The following GLS variants were observed in gnomAD, a reference collection of about 807,000 sequenced individuals.
The protein encoded by GLS is glutaminase.
In GLS, 36 loss-of-function variants were observed where a neutral mutation model predicts 86.7. The ratio of observed to expected loss-of-function variants is 0.42; its 90% CI spans 0.32 to 0.55. The LOEUF (loss-of-function observed/expected upper bound fraction) is 0.55. Among genes scored for constraint, GLS ranks in the 20% least tolerant of loss-of-function variants. The pLI, the probability that GLS is intolerant of heterozygous loss-of-function variation, is 0.17. For missense variants in GLS, 528 were observed against 833.4 expected (o/e 0.63, Z 4.51); for synonymous variants, 317 against 305.9 (o/e 1.04, Z -0.38).
chr2:190,885,469 C>T (rs1156847956), intron 1 of GLS, among the ~76,000 whole-genome samples: 3 of 152,134 alleles, frequency 2.0e-5, no homozygotes, highest in Non-Finnish European at 4.4e-5. Flanking sequence ...GGATTACAGG[C>T]GTGAGCCACC....
Position 190,895,287 on chromosome 2 carries a change from C to A in GLS, c.483+39C>A, listed in dbSNP as rs1438257502. ...TTTTTCTATCTTAACTTAAAAAAAT[C>A]AATAATAATAAATATATACAGTATT... On this transcript the variant is annotated intron_variant, in intron 2 of 17. Coordinates refer to ENST00000320717, the MANE Select transcript of GLS (RefSeq NM_014905.5). The surrounding 1 kb of genome is among the most constrained non-coding windows in gnomAD (Gnocchi z 4.2). 14 of 807,738 alleles carry A rather than the reference C, an allele frequency of 1.7e-5. No homozygotes were observed. In the African/African-American group the frequency reaches 1.7e-4, roughly 10 times the overall value. The allele number at this position is 807,738 out of a possible 1,614,324, so 50.0% of individuals were successfully genotyped here.
chr2:190,903,714 A>G (rs1228214503), intron 5 of GLS, among the ~76,000 whole-genome samples: 1 of 152,218 alleles, frequency 6.6e-6, no homozygotes, highest in African/African-American at 2.4e-5. Flanking sequence ...TTAAATCCAA[A>G]GGTAGTAAGA....
rs576629817 is a variant in GLS at position 190,904,983 on chromosome 2, T to G, written c.816-21T>G. 5 of 1,437,942 alleles carry G rather than the reference T, an allele frequency of 3.5e-6. No homozygotes were observed. The South Asian group carries it at 5.9e-5, about 17-fold the overall frequency. 89.1% of individuals were successfully genotyped at this position (1,437,942 alleles called of 1,614,324 possible). A position where few individuals can be genotyped will look rare whatever the true frequency, so the allele number is the denominator to read the frequency against. On this transcript the variant is annotated intron_variant, in intron 5 of 17. Transcript: ENST00000320717. ...TTTTTTCCCAGTTGATGTTATTTTT[T>G]AAAAATCTCCTTTTAAATAGGCATT...
chr2:190,942,726 T>C (rs532393190), intron 14 of GLS, among the ~76,000 whole-genome samples: 1 of 152,340 alleles, frequency 6.6e-6, no homozygotes, highest in East Asian at 1.9e-4. Flanking sequence ...TTGGCTATTG[T>C]AACAATGAAG....
At position 190,930,968 on chromosome 2, in the gene GLS, GAAA is replaced by G. The variant is rs1280807862; in HGVS notation, c.1557+401_1557+403del. 6.6e-6 allele frequency among the ~76,000 whole-genome samples: 1 copy of G among 151,710 alleles called. No homozygotes were observed. Among genetic ancestry groups the G allele is most frequent in the Non-Finnish European group, 1.5e-5 (1 of 67,930 alleles). ...GACTACCTTTAAACATTTTTTTGAG[GAAA>G]TAAGCACTGAAAATTAAAAAAAGAT... On this transcript the variant is annotated intron_variant, in intron 13 of 17. Transcript: ENST00000320717. This position sits in a 1 kb window ranked among gnomAD's most constrained non-coding sequence, Gnocchi z 5.0.
chr2:190,903,359 A>AT (rs1689019030), intron 5 of GLS, among the ~76,000 whole-genome samples: 1 of 152,120 alleles, frequency 6.6e-6, no homozygotes, highest in South Asian at 2.1e-4. Context: ...CTTCTAGTCT[A>AT]TTTTTTCTTT....
intron 14 of GLS, chr2:190,934,089 T>C: frequency 4.1e-6 from 4 of 976,550 alleles, no homozygotes; most frequent in Non-Finnish European, 4.9e-6. Context: ...TATACTTCTC[T>C]GGTTTTCCCC....
intron 1 of GLS, among the ~76,000 whole-genome samples, chr2:190,890,501 T>TG (rs1688524874): frequency 6.6e-6 from 1 of 152,226 alleles, no homozygotes; most frequent in Admixed American, 6.5e-5. Context: ...TGATTAGCCT[T>TG]GGGGCAAAAT....
Position 190,931,271 on chromosome 2 carries a change from T to G in GLS, c.1558-274T>G, listed in dbSNP as rs1690097765. 2.6e-5 allele frequency among the ~76,000 whole-genome samples: 4 copies of G among 152,312 alleles called. No individual in the cohort carries two copies. The South Asian group carries it at 8.3e-4, about 32-fold the overall frequency. Reference sequence around the variant, plus strand: ...CTTTACACTTATTTGATAGAAGAATTCTTTCATGGGGCCGGTTATAAACCC... The same window carrying G: ...CTTTACACTTATTTGATAGAAGAATGCTTTCATGGGGCCGGTTATAAACCC... On this transcript the variant is annotated intron_variant, in intron 13 of 17. Coordinates refer to ENST00000320717, the MANE Select transcript of GLS (RefSeq NM_014905.5).
intron 1 of GLS, chr2:190,881,844 G>A (rs917045617): frequency 4.6e-5 from 9 of 193,868 alleles, no homozygotes; most frequent in African/African-American, 1.4e-4. Context: ...CCAGCCATTC[G>A]TGGGCGATGC....
rs1690106366 is a variant in GLS, at chr2:190,931,542, C to T, written c.1558-3C>T. 2 of 1,434,002 alleles carry T rather than the reference C, an allele frequency of 1.4e-6. No individual in the cohort carries two copies. The highest frequency in any genetic ancestry group is 9.8e-7 in the Non-Finnish European group (1 of 1,024,202). 88.8% of individuals were successfully genotyped at this position (1,434,002 alleles called of 1,614,324 possible). ...TATACCTGCTCTGTATAACTGTTTA[C>T]AGGATCTTGTTTCTCTGTGTAATTT... is the stretch of plus-strand genomic sequence containing the variant. On this transcript the variant is annotated splice_polypyrimidine_tract_variant and splice_region_variant and intron_variant, in intron 13 of 17. Coordinates refer to ENST00000320717, the MANE Select transcript of GLS (RefSeq NM_014905.5).
At chr2:190,931,469 G>A (rs1690103138) in intron 13 of GLS, 76 bp from the exon 14 acceptor site, 1 of 627,122 alleles carries the variant, frequency 1.6e-6, no homozygotes, top group Non-Finnish European at 2.9e-6. Context: ...GATATAAGCA[G>A]AGTTTGTTAA....
chr2:190,927,686 A>C, intron 12 of GLS: 1 of 458,388 alleles, frequency 2.2e-6, no homozygotes. Flanking sequence ...AGTTTGATTT[A>C]TAGAACCTCA....
At chr2:190,888,503 C>G (rs1375400935) in intron 1 of GLS, among the ~76,000 whole-genome samples, 1 of 152,164 alleles carries the variant, frequency 6.6e-6, no homozygotes, top group African/African-American at 2.4e-5. Context: ...CAAGTGCTGG[C>G]ACACTTTCCC....
At chr2:190,907,393 G>C (rs1412766648) in intron 6 of GLS, among the ~76,000 whole-genome samples, 1 of 152,062 alleles carries the variant, frequency 6.6e-6, no homozygotes, top group Non-Finnish European at 1.5e-5. Context: ...GAGTAGCTGG[G>C]ATTACAGGCA....
chr2:190,905,298 G>A lies in GLS; in HGVS notation c.979+131G>A. 1.7e-6 allele frequency: 1 copy of A among 602,688 alleles called. No individual in the cohort carries two copies. Among genetic ancestry groups the A allele is most frequent in the Non-Finnish European group, 2.9e-6 (1 of 348,916 alleles). The allele number at this position is 602,688 out of a possible 1,614,324, so 37.3% of individuals were successfully genotyped here. The stretch of plus-strand genomic sequence containing the variant: ...GTGATTTCTATATAATCCATTGAGA[G>A]AGTTTCATCACCTACTTTTAAAAAT... On this transcript the variant is annotated intron_variant, in intron 6 of 17. Transcript: ENST00000320717. This position sits in a 1 kb window ranked among gnomAD's most constrained non-coding sequence, Gnocchi z 4.6.
At chr2:190,885,043 ATATT>A (rs1688326434) in intron 1 of GLS, among the ~76,000 whole-genome samples, 1 of 152,208 alleles carries the variant, frequency 6.6e-6, no homozygotes, top group Non-Finnish European at 1.5e-5. Flanking sequence ...GCTTTAAAAT[ATATT>A]TATATTTAAA....
chr2:190,915,157 A>ATT (rs79204505), intron 7 of GLS, among the ~76,000 whole-genome samples: 2 of 138,994 alleles, frequency 1.4e-5, no homozygotes, highest in Non-Finnish European at 1.6e-5. Context: ...TGCCTGGCTA[A>ATT]TTTTTTTTTT....
chr2:190,887,426 G>T (rs1393069861), intron 1 of GLS, among the ~76,000 whole-genome samples: 1 of 152,014 alleles, frequency 6.6e-6, no homozygotes, highest in Non-Finnish European at 1.5e-5. Context: ...ATAAAGAAAT[G>T]TTTATAGTAA....
Sources: gnomAD v4.1 joint callset for allele counts (sites outside exome capture counted in the v4.1 genomes callset) on GRCh38, gnomAD v4.1.1 for gene constraint, Gnocchi (gnomAD v3.1) non-coding constraint, MANE v1.5 for transcripts, NCBI Gene and HGNC (gene_info 2026-07-23, HGNC 2026-07-21) for gene names.